The following DAB1 variants were observed in gnomAD, a reference collection of about 807,000 sequenced individuals.
DAB1 encodes the protein DAB adaptor protein 1, also known as disabled homolog 1.
Under a neutral mutation model 64.6 loss-of-function variants are expected in DAB1, and 15 were observed. That is an observed-to-expected ratio of 0.23 (90% CI 0.16 to 0.36). DAB1 has a LOEUF of 0.36. Among genes scored for constraint, DAB1 ranks in the 10% least tolerant of loss-of-function variants. The pLI, the probability that DAB1 is intolerant of heterozygous loss-of-function variation, is 1.00. For missense variants in DAB1, 596 were observed against 706.7 expected, an observed-to-expected ratio of 0.84 and a Z score of 1.78; for synonymous variants, 235 against 251.9, an observed-to-expected ratio of 0.93 and a Z score of 0.64.
chr1:58,429,297 G>A (rs1011467772), intron 3 of DAB1, among the ~76,000 whole-genome samples: 3 of 152,096 alleles, frequency 2.0e-5, no homozygotes, highest in African/African-American at 4.8e-5. Flanking sequence ...GGACATAAAG[G>A]GCAACAAAAG....
intron 4 of DAB1, among the ~76,000 whole-genome samples, chr1:58,219,125 C>A (rs1198108201): frequency 1.3e-5 from 2 of 151,848 alleles, no homozygotes; most frequent in Non-Finnish European, 2.9e-5. Flanking sequence ...GAGAAAAGGG[C>A]TCTGCACCCA....
chr1:57,910,585 G>T (rs1399373257), intron 5 of DAB1, among the ~76,000 whole-genome samples: 2 of 152,192 alleles, frequency 1.3e-5, no homozygotes, highest in Non-Finnish European at 2.9e-5. Context: ...GAAAGGTCAG[G>T]GGGAAGTTTT....
intron 2 of DAB1, among the ~76,000 whole-genome samples, chr1:57,227,992 C>T (rs916055935): frequency 6.6e-6 from 1 of 152,100 alleles, no homozygotes; most frequent in African/African-American, 2.4e-5. Context: ...TATGGTCTGC[C>T]GTGTAACCTG....
intron 2 of DAB1, among the ~76,000 whole-genome samples, chr1:58,509,683 TA>T (rs1646044290): frequency 7.1e-6 from 1 of 140,032 alleles, no homozygotes. Flanking sequence ...AAACAGAGAA[TA>T]AAAAAATAGA....
chr1:58,505,458 CAA>C (rs910300927), intron 3 of DAB1, among the ~76,000 whole-genome samples: 6 of 152,236 alleles, frequency 3.9e-5, no homozygotes, highest in African/African-American at 1.2e-4. Flanking sequence ...GTCAACAAAT[CAA>C]AAGATTTTCA....
At chr1:57,363,177 T>C (rs1470237462) in intron 1 of DAB1, among the ~76,000 whole-genome samples, 1 of 152,246 alleles carries the variant, frequency 6.6e-6, no homozygotes, top group Non-Finnish European at 1.5e-5. Context: ...TTAGTTGTGT[T>C]GGTTTACTGC....
At chr1:57,762,986 G>A (rs1220621833) in intron 6 of DAB1, among the ~76,000 whole-genome samples, 1 of 152,202 alleles carries the variant, frequency 6.6e-6, no homozygotes, top group African/African-American at 2.4e-5. Flanking sequence ...CCTTCCCTAA[G>A]GGGCTCATAT....
At chr1:57,646,712 G>A (rs1646195398) in intron 7 of DAB1, among the ~76,000 whole-genome samples, 1 of 152,120 alleles carries the variant, frequency 6.6e-6, no homozygotes, top group African/African-American at 2.4e-5. Context: ...TCATGCCACT[G>A]CACCCCAGCA....
chr1:57,123,547 A>G (rs76697903), intron 4 of DAB1, among the ~76,000 whole-genome samples: 1,727 of 152,292 alleles, frequency 0.011, 28 homozygotes, highest in East Asian at 0.057. Flanking sequence ...AATTTGATCA[A>G]AAAAAGCCCA....
intron 7 of DAB1, chr1:57,606,186 T>A (rs1214809048): frequency 3.7e-6 from 1 of 271,670 alleles, no homozygotes; most frequent in African/African-American, 2.2e-5. Flanking sequence ...TGAGTGTTTT[T>A]CCGGTATTTT....
chr1:57,385,444 T>G (rs1681729109), intron 1 of DAB1, among the ~76,000 whole-genome samples: 1 of 152,180 alleles, frequency 6.6e-6, no homozygotes, highest in East Asian at 1.9e-4. Context: ...AAAAATCACT[T>G]TCTGGATCAT....
chr1:57,048,906 G>A (rs1390028983), intron 9 of DAB1, among the ~76,000 whole-genome samples: 2 of 152,178 alleles, frequency 1.3e-5, no homozygotes, highest in Non-Finnish European at 2.9e-5. Context: ...AAGACAGCAG[G>A]CAACTGCATA....
At chr1:58,546,585 C>G (rs1047614596) in intron 1 of DAB1, 4 of 152,434 alleles carry the variant, frequency 2.6e-5, no homozygotes, top group African/African-American at 9.7e-5. Flanking sequence ...ACTCCTTGCC[C>G]GGGCGCCCCC....
intron 3 of DAB1, among the ~76,000 whole-genome samples, chr1:58,451,425 C>T (rs139370373): frequency 7.2e-5 from 11 of 152,188 alleles, no homozygotes; most frequent in African/African-American, 2.6e-4. Context: ...AATAAGAAAT[C>T]CTGAATTGGA....
At chr1:57,526,839 A>C (rs1644599181) in intron 7 of DAB1, among the ~76,000 whole-genome samples, 1 of 152,212 alleles carries the variant, frequency 6.6e-6, no homozygotes, top group African/African-American at 2.4e-5. Context: ...TACTTATGAA[A>C]ATTTTACAAG....
intron 4 of DAB1, among the ~76,000 whole-genome samples, chr1:58,309,437 A>ATC (rs1662379286): frequency 6.6e-6 from 1 of 152,176 alleles, no homozygotes; most frequent in Admixed American, 6.5e-5. Context: ...CCTGTAGGTC[A>ATC]CTGGAAAGGA....
intron 3 of DAB1, among the ~76,000 whole-genome samples, chr1:58,405,291 G>A (rs1450672469): frequency 6.6e-6 from 1 of 152,148 alleles, no homozygotes; most frequent in Non-Finnish European, 1.5e-5. Flanking sequence ...CCTATTGGAA[G>A]CAGAGTCCTC....
intron 5 of DAB1, among the ~76,000 whole-genome samples, chr1:58,045,126 G>T (rs1570271512): frequency 6.6e-6 from 1 of 152,136 alleles, no homozygotes; most frequent in African/African-American, 2.4e-5. Flanking sequence ...TTGCATTGTT[G>T]TTAGGAGCAG....
At chr1:58,185,062 C>T (rs1656996676) in intron 4 of DAB1, among the ~76,000 whole-genome samples, 3 of 152,196 alleles carry the variant, frequency 2.0e-5, no homozygotes, top group Admixed American at 2.0e-4. Flanking sequence ...CCTTATCCCA[C>T]ATTCTGCAAA....
Sources: gnomAD v4.1 joint callset for allele counts (sites outside exome capture counted in the v4.1 genomes callset) on GRCh38, gnomAD v4.1.1 for gene constraint, MANE v1.5 for transcripts, NCBI Gene and HGNC (gene_info 2026-07-23, HGNC 2026-07-21) for gene names.